TRPS1: variants seen among roughly 807,000 people sequenced by gnomAD.
TRPS1 encodes the protein zinc finger transcription factor Trps1.
A neutral mutation model predicts 101.2 loss-of-function variants in TRPS1; 6 were observed. The observed-to-expected ratio is 0.06, with a 90% CI of 0.03 to 0.12. The LOEUF (loss-of-function observed/expected upper bound fraction) is 0.12. TRPS1 is among the 10% of genes least tolerant of loss of function. The pLI, the probability that TRPS1 is intolerant of heterozygous loss-of-function variation, is 1.00. For synonymous variants in TRPS1, 578 were observed against 589.8 expected, an observed-to-expected ratio of 0.98 and a Z score of 0.29; for missense variants, 1,363 against 1,567.0, an observed-to-expected ratio of 0.87 and a Z score of 2.20.
chr8:115,639,602 G>T (rs2130582432), intron 1 of TRPS1, among the ~76,000 whole-genome samples: 1 of 151,982 alleles, frequency 6.6e-6, no homozygotes, highest in South Asian at 2.1e-4. Flanking sequence ...GGCCAAGTCG[G>T]TGGACCACTT....
intron 5 of TRPS1, among the ~76,000 whole-genome samples, chr8:115,576,249 T>C (rs1417039988): frequency 6.6e-6 from 1 of 151,866 alleles, no homozygotes. Flanking sequence ...CAGCCACTGG[T>C]TGGAAATCAT....
At chr8:115,485,097 T>C (rs564287294) in intron 5 of TRPS1, among the ~76,000 whole-genome samples, 4 of 152,320 alleles carry the variant, frequency 2.6e-5, no homozygotes, top group Admixed American at 6.5e-5. Flanking sequence ...GGTTATCCAA[T>C]TGGGCTTGAT....
intron 5 of TRPS1, among the ~76,000 whole-genome samples, chr8:115,480,922 T>C (rs978497587): frequency 6.6e-6 from 1 of 152,130 alleles, no homozygotes; most frequent in Non-Finnish European, 1.5e-5. Context: ...GACAGAATTA[T>C]TAGCATTGGT....
At chr8:115,435,998 T>TCA (rs4027183) in intron 5 of TRPS1, among the ~76,000 whole-genome samples, 27,339 of 133,768 alleles carry the variant, frequency 0.2, 2,647 homozygotes, top group East Asian at 0.26. Context: ...AAATGAGAAA[T>TCA]CACACACACA....
rs746206651 is a variant in TRPS1 at position 115,575,276 on chromosome 8, G to T, written c.2700+11725C>A. ...ACAACATATAGTGAAATACTATGAAGTCAATAAATATGATGTAGCAGAATA... is the reference window on the plus strand; with the variant it reads ...ACAACATATAGTGAAATACTATGAATTCAATAAATATGATGTAGCAGAATA... On this transcript the variant is annotated intron_variant, in intron 5 of 6. Coordinates refer to ENST00000395715, the MANE Select transcript of TRPS1 (RefSeq NM_014112.5). 2.0e-5 allele frequency among the ~76,000 whole-genome samples: 3 copies of T among 152,082 alleles called. No homozygotes were observed. The East Asian group carries it at 5.8e-4, about 29-fold the overall frequency.
chr8:115,519,537 A>G (rs1815805761), intron 5 of TRPS1, among the ~76,000 whole-genome samples: 1 of 151,596 alleles, frequency 6.6e-6, no homozygotes, highest in Non-Finnish European at 1.5e-5. Context: ...TTAAGAGCGG[A>G]ATTTTAAATT....
At chr8:115,636,334 G>C (rs1310281119) in intron 1 of TRPS1, among the ~76,000 whole-genome samples, 1 of 152,118 alleles carries the variant, frequency 6.6e-6, no homozygotes, top group Non-Finnish European at 1.5e-5. Flanking sequence ...CATCAGGCTG[G>C]AAAATAAAGT....
chr8:115,445,103 C>T (rs570192836), intron 5 of TRPS1, among the ~76,000 whole-genome samples: 1 of 152,292 alleles, frequency 6.6e-6, no homozygotes, highest in Admixed American at 6.5e-5. Flanking sequence ...CCCTCCCAGT[C>T]AAACTAGTTT....
chr8:115,627,966 GT>G (rs1818548087), intron 1 of TRPS1, among the ~76,000 whole-genome samples: 1 of 151,750 alleles, frequency 6.6e-6, no homozygotes, highest in African/African-American at 2.4e-5. Flanking sequence ...TATTCAGTAA[GT>G]TTTATTACTA....
chr8:115,665,418 A>G (rs1811899029), intron 1 of TRPS1, among the ~76,000 whole-genome samples: 1 of 152,164 alleles, frequency 6.6e-6, no homozygotes, highest in Non-Finnish European at 1.5e-5. Context: ...AAATACTAGA[A>G]TCGTAAAAGC....
intron 1 of TRPS1, among the ~76,000 whole-genome samples, chr8:115,652,328 T>C (rs990427762): frequency 1.3e-4 from 20 of 152,204 alleles, no homozygotes; most frequent in African/African-American, 4.3e-4. Flanking sequence ...GAGATTCACA[T>C]GAAATGAAAC....
intron 1 of TRPS1, among the ~76,000 whole-genome samples, chr8:115,662,791 G>A (rs917029693): frequency 9.3e-5 from 14 of 151,276 alleles, no homozygotes; most frequent in East Asian, 5.8e-4. Flanking sequence ...CTGTAGAAAC[G>A]CACTGACCCT....
chr8:115,544,633 T>C (rs1198077832), intron 5 of TRPS1, among the ~76,000 whole-genome samples: 2 of 152,212 alleles, frequency 1.3e-5, no homozygotes, highest in Non-Finnish European at 2.9e-5. Flanking sequence ...TAACTTAATG[T>C]TATTTCTATC....
rs534341222 is a variant in TRPS1 at position 115,486,161 on chromosome 8, T to C, written c.2701-67709A>G. Among the ~76,000 whole-genome samples, 12 of 152,310 alleles carry C rather than the reference T, an allele frequency of 7.9e-5. No homozygotes were observed. The East Asian group carries it at 2.3e-3, about 29-fold the overall frequency. On this transcript the variant is annotated intron_variant, in intron 5 of 6. Coordinates refer to ENST00000395715, the MANE Select transcript of TRPS1 (RefSeq NM_014112.5). The stretch of plus-strand genomic sequence containing the variant: ...CACATTTTGGTAATTCTCACAATAT[T>C]CCGAACTTTTTCATTATTACTATAG...
chr8:115,616,176 C>T (rs2721934), intron 3 of TRPS1, among the ~76,000 whole-genome samples: 86,023 of 151,986 alleles, frequency 0.57, 25,073 homozygotes, highest in East Asian at 0.84. Context: ...CTCCATTATC[C>T]GGCTGGGGCT....
intron 5 of TRPS1, among the ~76,000 whole-genome samples, chr8:115,571,992 C>T (rs1319176212): frequency 2.0e-5 from 3 of 151,868 alleles, no homozygotes; most frequent in South Asian, 2.1e-4. Context: ...AGAAGATAAA[C>T]GTTTTGAAGT....
intron 1 of TRPS1, among the ~76,000 whole-genome samples, chr8:115,640,935 C>G (rs917420081): frequency 3.3e-5 from 5 of 152,162 alleles, no homozygotes; most frequent in Admixed American, 1.3e-4. Flanking sequence ...TATTTGGCAG[C>G]CAGCAGGTCG....
intron 5 of TRPS1, among the ~76,000 whole-genome samples, chr8:115,471,964 G>T (rs1004134183): frequency 6.6e-6 from 1 of 152,214 alleles, no homozygotes; most frequent in Non-Finnish European, 1.5e-5. Flanking sequence ...GCTCCCAGCT[G>T]CCTTCATGGT....
At chr8:115,628,673 A>G (rs535589032) in intron 1 of TRPS1, among the ~76,000 whole-genome samples, 16 of 151,992 alleles carry the variant, frequency 1.1e-4, no homozygotes, top group African/African-American at 3.4e-4. Context: ...AGCTTCAACT[A>G]TAAGAACCTT....
Sources: gnomAD v4.1 joint callset for allele counts (sites outside exome capture counted in the v4.1 genomes callset) on GRCh38, gnomAD v4.1.1 for gene constraint, MANE v1.5 for transcripts, NCBI Gene and HGNC (gene_info 2026-07-23, HGNC 2026-07-21) for gene names.